TCF12: variants seen among roughly 807,000 people sequenced by gnomAD.
TCF12 encodes transcription factor 12, also known as DNA-binding protein HTF4.
In TCF12, 45 loss-of-function variants were observed where a neutral mutation model predicts 86.0. The observed-to-expected ratio is 0.52, with a 90% CI of 0.41 to 0.67. The LOEUF (loss-of-function observed/expected upper bound fraction) is 0.67, where lower values mean the gene tolerates loss of function less well. Ranked by LOEUF, TCF12 falls within the 30% of genes least tolerant of loss-of-function variation. The pLI, the probability that TCF12 is intolerant of heterozygous loss-of-function variation, is 0.00. For missense variants in TCF12, 881 were observed against 859.9 expected (o/e 1.02, Z -0.31); for synonymous variants, 330 against 299.6 (o/e 1.10, Z -1.05).
chr15:57,071,543 G>A (rs2069382901), intron 4 of TCF12, among the ~76,000 whole-genome samples: 1 of 152,080 alleles, frequency 6.6e-6, no homozygotes, highest in Non-Finnish European at 1.5e-5. Context: ...GCTCAGGCAG[G>A]AGAATCTCTA....
intron 8 of TCF12, among the ~76,000 whole-genome samples, chr15:57,206,674 A>G (rs1484158937): frequency 7.6e-6 from 1 of 130,960 alleles, no homozygotes; most frequent in Non-Finnish European, 1.5e-5. Context: ...TGCATCCTCC[A>G]CCTCCTGTAC....
At chr15:57,052,459 A>G (rs1395307024) in intron 3 of TCF12, among the ~76,000 whole-genome samples, 2 of 152,044 alleles carry the variant, frequency 1.3e-5, no homozygotes, top group African/African-American at 4.8e-5. Flanking sequence ...TAACATGGTG[A>G]AACCCCTTCT....
At chr15:57,092,643 CT>C (rs1483282465) in intron 5 of TCF12, among the ~76,000 whole-genome samples, 1 of 151,914 alleles carries the variant, frequency 6.6e-6, no homozygotes, top group East Asian at 1.9e-4. Context: ...TTTGCAAAAC[CT>C]GATTGAAAAT....
intron 4 of TCF12, among the ~76,000 whole-genome samples, chr15:57,067,196 A>G (rs778102435): frequency 6.6e-6 from 1 of 152,210 alleles, no homozygotes; most frequent in Non-Finnish European, 1.5e-5. Context: ...ACAGCAATCC[A>G]TTCAGTGAAG....
chr15:56,971,455 A>G (rs1285886899), intron 3 of TCF12, among the ~76,000 whole-genome samples: 1 of 152,092 alleles, frequency 6.6e-6, no homozygotes, highest in African/African-American at 2.4e-5. Flanking sequence ...GCGGAAAAAG[A>G]AAACAGCAAG....
intron 5 of TCF12, among the ~76,000 whole-genome samples, chr15:57,097,693 C>T (rs1048967930): frequency 6.6e-6 from 1 of 151,944 alleles, no homozygotes; most frequent in Non-Finnish European, 1.5e-5. Context: ...TTTTAATAAC[C>T]CTAAATTTCA....
chr15:56,979,995 G>C (rs1212738270), intron 3 of TCF12, among the ~76,000 whole-genome samples: 1 of 152,160 alleles, frequency 6.6e-6, no homozygotes, highest in East Asian at 1.9e-4. Flanking sequence ...ATGTAGAATA[G>C]ATGAAGCTAT....
At position 57,251,346 on chromosome 15, in the gene TCF12, A is replaced by T; in HGVS notation, c.1115-4A>T. ...GGTGTGTGGCTACTTTTGGGTTTTA[A>T]CAGGTACCAGTCAGTGGCCAAGACC... On this transcript the variant is annotated splice_polypyrimidine_tract_variant and splice_region_variant and intron_variant, in intron 13 of 20. Transcript: ENST00000333725. 6.2e-7 allele frequency: 1 copy of T among 1,613,862 alleles called. No homozygotes were observed. The highest frequency in any genetic ancestry group is 1.1e-5 in the South Asian group (1 of 91,060).
chr15:57,238,919 G>A (rs186900775), intron 12 of TCF12, among the ~76,000 whole-genome samples: 1 of 152,194 alleles, frequency 6.6e-6, no homozygotes, highest in Non-Finnish European at 1.5e-5. Context: ...ATGTATAAAT[G>A]GGGAAGTGAC....
At chr15:57,191,878 G>A (rs2056997000) in intron 6 of TCF12, among the ~76,000 whole-genome samples, 1 of 151,472 alleles carries the variant, frequency 6.6e-6, no homozygotes, top group South Asian at 2.1e-4. Flanking sequence ...AGGTCGCAGT[G>A]AGCTGAGATC....
At chr15:56,942,013 T>C (rs527545767) in intron 3 of TCF12, among the ~76,000 whole-genome samples, 16 of 152,322 alleles carry the variant, frequency 1.1e-4, no homozygotes, top group African/African-American at 3.4e-4. Flanking sequence ...ATATATTTTC[T>C]TGTGTAGCCT....
Position 57,045,784 on chromosome 15 carries a change from G to A in TCF12, c.149-17966G>A, listed in dbSNP as rs572614032. On this transcript the variant is annotated intron_variant, in intron 3 of 20. Coordinates refer to ENST00000333725, the MANE Select transcript of TCF12 (RefSeq NM_207037.2). The stretch of plus-strand genomic sequence containing the variant: ...TGTTCTCAAACTGCTGGACCCAAGC[G>A]ATGTGCCCTCCTTGCCCTCCCAAAG... Among the ~76,000 whole-genome samples the A allele has an allele frequency of 8.3e-4, 127 of 152,200 alleles. 3 individuals carry two copies. The South Asian group carries it at 0.026, about 31-fold the overall frequency.
intron 3 of TCF12, among the ~76,000 whole-genome samples, chr15:57,059,890 T>C (rs1350638147): frequency 6.6e-6 from 1 of 151,410 alleles, no homozygotes. Flanking sequence ...GGTGGCTTGA[T>C]GAAAGGGAAG....
At chr15:57,095,397 AG>A (rs1192545233) in intron 5 of TCF12, among the ~76,000 whole-genome samples, 1 of 152,116 alleles carries the variant, frequency 6.6e-6, no homozygotes, top group Non-Finnish European at 1.5e-5. Context: ...TGATGATGGG[AG>A]GATCAGTTTA....
intron 3 of TCF12, among the ~76,000 whole-genome samples, chr15:57,040,411 C>G (rs2066819824): frequency 6.6e-6 from 1 of 152,182 alleles, no homozygotes; most frequent in Non-Finnish European, 1.5e-5. Flanking sequence ...GAAGAAAGCT[C>G]TTTGGCAAGT....
At chr15:57,170,670 TA>T (rs56822896) in intron 6 of TCF12, among the ~76,000 whole-genome samples, 2 of 12,110 alleles carry the variant, frequency 1.7e-4, no homozygotes, top group Non-Finnish European at 2.7e-4. Flanking sequence ...AATATATATA[TA>T]TATAATATAT....
At chr15:57,259,972 T>TA (rs755276927) in intron 16 of TCF12, among the ~76,000 whole-genome samples, 2 of 152,190 alleles carry the variant, frequency 1.3e-5, no homozygotes, top group Non-Finnish European at 2.9e-5. Flanking sequence ...AGAATCAAGT[T>TA]ACAAAGAAAA....
At chr15:57,120,464 A>G (rs541913405) in intron 5 of TCF12, among the ~76,000 whole-genome samples, 1 of 152,270 alleles carries the variant, frequency 6.6e-6, no homozygotes, top group Admixed American at 6.5e-5. Flanking sequence ...TAAACTGTAG[A>G]TAGATTACAT....
chr15:57,000,265 CCTG>C (rs2063946224), intron 3 of TCF12, among the ~76,000 whole-genome samples: 1 of 152,016 alleles, frequency 6.6e-6, no homozygotes, highest in Non-Finnish European at 1.5e-5. Context: ...GCCTCCGTCT[CCTG>C]GGCTGAAGCG....
Sources: gnomAD v4.1 joint callset for allele counts (sites outside exome capture counted in the v4.1 genomes callset) on GRCh38, gnomAD v4.1.1 for gene constraint, MANE v1.5 for transcripts, NCBI Gene and HGNC (gene_info 2026-07-23, HGNC 2026-07-21) for gene names.